TNFSF4: variants seen among roughly 807,000 people sequenced by gnomAD.
TNFSF4 encodes tumor necrosis factor ligand superfamily member 4.
A neutral mutation model predicts 7.3 loss-of-function variants in TNFSF4; 4 were observed. That is an observed-to-expected ratio of 0.55 (90% CI 0.27 to 1.25). The LOEUF (loss-of-function observed/expected upper bound fraction) is 1.25. Among genes scored for constraint, TNFSF4 ranks in the 50% most tolerant of loss-of-function variants. The probability of loss-of-function intolerance (pLI) is 0.12; values close to 1 mark genes in which losing one functional copy is unlikely to be tolerated. For missense variants in TNFSF4, 181 were observed against 208.8 expected, an observed-to-expected ratio of 0.87 and a Z score of 0.82; for synonymous variants, 76 against 83.7, an observed-to-expected ratio of 0.91 and a Z score of 0.50.
chr1:173,435,948 T>C, the TNFSF4 span, among the ~76,000 whole-genome samples: 5 of 152,326 alleles, frequency 3.3e-5, no homozygotes, highest in Middle Eastern at 6.8e-3. Context: ...TCAGGAAACA[T>C]TCTCAGAAGT....
chr1:173,210,410 G>C (rs566001691), upstream of TNFSF4, among the ~76,000 whole-genome samples: 2 of 152,286 alleles, frequency 1.3e-5, no homozygotes, highest in East Asian at 3.9e-4. Context: ...TGGGGCACTG[G>C]GGAGGGGCAG....
chr1:173,414,649 C>G, the TNFSF4 span, among the ~76,000 whole-genome samples: 10 of 152,304 alleles, frequency 6.6e-5, no homozygotes, highest in South Asian at 1.2e-3. Flanking sequence ...TATGGTGTAT[C>G]ATAGAGCAGT....
At chr1:173,310,333 A>T in the TNFSF4 span, among the ~76,000 whole-genome samples, 33 of 152,072 alleles carry the variant, frequency 2.2e-4, no homozygotes, top group East Asian at 6.0e-3. Flanking sequence ...ACATGTTTTG[A>T]TATGTAGTAT....
chr1:173,200,598 CTT>C (rs1292852353), intron 1 of TNFSF4, among the ~76,000 whole-genome samples: 7 of 152,124 alleles, frequency 4.6e-5, no homozygotes, highest in African/African-American at 1.4e-4. Flanking sequence ...TGTTTTATGA[CTT>C]ATTTTATATC....
the TNFSF4 span, among the ~76,000 whole-genome samples, chr1:173,263,605 A>G: frequency 7.2e-5 from 11 of 152,234 alleles, no homozygotes; most frequent in Admixed American, 2.0e-4. Context: ...AGTAAATCCA[A>G]AAGGCTCTTA....
the TNFSF4 span, among the ~76,000 whole-genome samples, chr1:173,230,569 T>G: frequency 6.6e-6 from 1 of 151,726 alleles, no homozygotes; most frequent in Non-Finnish European, 1.5e-5. Context: ...AGACAAGAAA[T>G]AACTAAGATC....
At chr1:173,175,925 G>T in the TNFSF4 span, among the ~76,000 whole-genome samples, 2 of 152,114 alleles carry the variant, frequency 1.3e-5, no homozygotes, top group African/African-American at 4.8e-5. Context: ...AAGACAGGAG[G>T]AAGTCATGGT....
At chr1:173,216,274 C>G in the TNFSF4 span, among the ~76,000 whole-genome samples, 1 of 152,156 alleles carries the variant, frequency 6.6e-6, no homozygotes, top group African/African-American at 2.4e-5. Flanking sequence ...CCTTAATTCC[C>G]TTCTTTCTCC....
chr1:173,343,582 C>T, the TNFSF4 span, among the ~76,000 whole-genome samples: 1 of 152,218 alleles, frequency 6.6e-6, no homozygotes, highest in Non-Finnish European at 1.5e-5. Context: ...AGATCTGGCT[C>T]AGATTATACT....
At chr1:173,238,039 G>A in the TNFSF4 span, among the ~76,000 whole-genome samples, 4 of 152,080 alleles carry the variant, frequency 2.6e-5, no homozygotes, top group Non-Finnish European at 4.4e-5. Flanking sequence ...GAAACAGCAT[G>A]GTACTGGTAT....
intron 1 of TNFSF4, chr1:173,205,449 G>C (rs1343614237): frequency 1.3e-6 from 2 of 1,558,222 alleles, no homozygotes; most frequent in African/African-American, 1.4e-5. Context: ...AGTCCAATGT[G>C]ACCCCAACCA....
the TNFSF4 span, chr1:173,175,551 T>A: frequency 1.1e-4 from 16 of 152,312 alleles, no homozygotes; most frequent in African/African-American, 3.8e-4. Flanking sequence ...ACTCCCTCAT[T>A]CCTTCCCTGA....
chr1:173,377,452 G>A, the TNFSF4 span, among the ~76,000 whole-genome samples: 11 of 152,248 alleles, frequency 7.2e-5, no homozygotes, highest in East Asian at 5.8e-4. Context: ...CTGGGGTCCC[G>A]ACAACAAGTT....
chr1:173,413,359 CTTG>C, the TNFSF4 span, among the ~76,000 whole-genome samples: 1 of 152,168 alleles, frequency 6.6e-6, no homozygotes, highest in African/African-American at 2.4e-5. Context: ...TGTGGGGGAA[CTTG>C]TTATTCTTTT....
the TNFSF4 span, among the ~76,000 whole-genome samples, chr1:173,279,095 G>T: frequency 6.6e-6 from 1 of 152,052 alleles, no homozygotes; most frequent in African/African-American, 2.4e-5. Flanking sequence ...ATCTTTAAAA[G>T]CTGGCAAGCT....
At chr1:173,341,441 G>A in the TNFSF4 span, among the ~76,000 whole-genome samples, 1 of 152,116 alleles carries the variant, frequency 6.6e-6, no homozygotes, top group Non-Finnish European at 1.5e-5. Flanking sequence ...TATAGCACAG[G>A]CCCCCTTGCC....
the TNFSF4 span, among the ~76,000 whole-genome samples, chr1:173,251,347 C>A: frequency 0.084 from 12,858 of 152,242 alleles, 633 homozygotes; most frequent in Middle Eastern, 0.12. Context: ...GAAAAGAAAT[C>A]TTGTTACAGA....
the TNFSF4 span, among the ~76,000 whole-genome samples, chr1:173,385,576 G>A: frequency 6.6e-6 from 1 of 152,230 alleles, no homozygotes. Flanking sequence ...TTTGTGTTAC[G>A]CCTGTAATCC....
At chr1:173,232,102 A>T in the TNFSF4 span, among the ~76,000 whole-genome samples, 2 of 152,178 alleles carry the variant, frequency 1.3e-5, no homozygotes, top group Non-Finnish European at 2.9e-5. Context: ...ATCCATGAGG[A>T]TGGAATGTTC....
Sources: gnomAD v4.1 joint callset for allele counts (sites outside exome capture counted in the v4.1 genomes callset) on GRCh38, gnomAD v4.1.1 for gene constraint, MANE v1.5 for transcripts, NCBI Gene and HGNC (gene_info 2026-07-23, HGNC 2026-07-21) for gene names.